Variants in PDE1C observed in about 807,000 individuals in gnomAD.
PDE1C encodes dual specificity calcium/calmodulin-dependent 3',5'-cyclic nucleotide phosphodiesterase 1C.
In PDE1C, 62 loss-of-function variants were observed where a neutral mutation model predicts 93.1. That is an observed-to-expected ratio of 0.67 (90% confidence interval 0.54 to 0.82). PDE1C has a LOEUF of 0.82. Ranked by LOEUF, PDE1C falls within the 40% of genes least tolerant of loss-of-function variation. The pLI, the probability that PDE1C is intolerant of heterozygous loss-of-function variation, is 0.00. For missense variants in PDE1C, 742 were observed against 884.6 expected, an observed-to-expected ratio of 0.84 and a Z score of 2.04; for synonymous variants, 325 against 310.1, an observed-to-expected ratio of 1.05 and a Z score of -0.50.
chr7:31,819,570 T>A (rs1788701299), intron 14 of PDE1C, among the ~76,000 whole-genome samples: 1 of 152,092 alleles, frequency 6.6e-6, no homozygotes, highest in Non-Finnish European at 1.5e-5. Context: ...CATGTCAGAC[T>A]GTCTGTGGTG....
chr7:31,867,804 GC>G (rs1245155318), intron 6 of PDE1C, among the ~76,000 whole-genome samples: 2 of 152,092 alleles, frequency 1.3e-5, no homozygotes, highest in Non-Finnish European at 1.5e-5. Flanking sequence ...GGACAGGCAT[GC>G]TTGGCCCACC....
intron 1 of PDE1C, among the ~76,000 whole-genome samples, chr7:32,395,287 G>A (rs1032389039): frequency 6.6e-6 from 1 of 152,198 alleles, no homozygotes; most frequent in Admixed American, 6.5e-5. Context: ...GGTACAGGGG[G>A]AAGTGTGCTT....
intron 7 of PDE1C, among the ~76,000 whole-genome samples, chr7:31,851,095 C>CAT (rs1562919676): frequency 1.8e-4 from 2 of 11,078 alleles, no homozygotes; most frequent in Non-Finnish European, 4.0e-4. Flanking sequence ...CACACACACA[C>CAT]ACACATAAAA....
the PDE1C span, among the ~76,000 whole-genome samples, chr7:31,690,129 T>C: frequency 6.6e-6 from 1 of 152,248 alleles, no homozygotes; most frequent in Non-Finnish European, 1.5e-5. Context: ...ATAGCTGCTT[T>C]GCTCAGAGGA....
chr7:31,681,033 T>C, the PDE1C span, among the ~76,000 whole-genome samples: 2 of 152,184 alleles, frequency 1.3e-5, no homozygotes, highest in African/African-American at 4.8e-5. Context: ...CGTGATTCAC[T>C]TACATTCCTG....
intron 1 of PDE1C, among the ~76,000 whole-genome samples, chr7:32,058,139 T>G (rs1313885058): frequency 6.6e-6 from 1 of 152,318 alleles, no homozygotes; most frequent in East Asian, 1.9e-4. Context: ...AACAACTGCA[T>G]ACACACAATG....
intron 2 of PDE1C, among the ~76,000 whole-genome samples, chr7:31,958,850 T>G (rs1301969386): frequency 1.3e-5 from 2 of 152,200 alleles, no homozygotes; most frequent in African/African-American, 4.8e-5. Flanking sequence ...GAAAGGATAC[T>G]CTGAAGTGTA....
chr7:31,697,148 G>T, the PDE1C span: 1 of 1,611,030 alleles, frequency 6.2e-7, no homozygotes, highest in Non-Finnish European at 8.5e-7. Flanking sequence ...CATTTGCAGG[G>T]GGTGATGGGG....
intron 2 of PDE1C, among the ~76,000 whole-genome samples, chr7:32,016,458 A>T (rs927367402): frequency 6.6e-6 from 1 of 152,198 alleles, no homozygotes; most frequent in Admixed American, 6.5e-5. Flanking sequence ...TGCATTAAAA[A>T]CTTTAAATGT....
chr7:32,108,230 CAAAAA>C (rs71559210), intron 3 of PDE1C, among the ~76,000 whole-genome samples: 1 of 77,062 alleles, frequency 1.3e-5, no homozygotes, highest in Non-Finnish European at 2.5e-5. Context: ...AAAAGCAAGA[CAAAAA>C]AAAAAAAAAA....
chr7:32,055,599 C>T (rs560197776), intron 1 of PDE1C, among the ~76,000 whole-genome samples: 2 of 152,256 alleles, frequency 1.3e-5, no homozygotes, highest in South Asian at 4.2e-4. Flanking sequence ...ATACTGCATT[C>T]TGTCCACCAA....
intron 1 of PDE1C, among the ~76,000 whole-genome samples, chr7:32,228,464 A>T (rs1361300267): frequency 6.6e-6 from 1 of 152,204 alleles, no homozygotes; most frequent in Non-Finnish European, 1.5e-5. Context: ...AGACAACTAA[A>T]GCTTAGAAAG....
At chr7:32,172,452 C>A (rs1484384522) in intron 2 of PDE1C, among the ~76,000 whole-genome samples, 3 of 152,086 alleles carry the variant, frequency 2.0e-5, no homozygotes, top group Non-Finnish European at 4.4e-5. Flanking sequence ...AGCTCTACAC[C>A]ACTGATCATT....
intron 3 of PDE1C, among the ~76,000 whole-genome samples, chr7:32,082,313 G>A (rs1796731136): frequency 6.6e-6 from 1 of 152,162 alleles, no homozygotes; most frequent in African/African-American, 2.4e-5. Context: ...CTGGGGGAGG[G>A]GCGCCCGCCA....
chr7:31,628,678 A>G, the PDE1C span, among the ~76,000 whole-genome samples: 1 of 151,914 alleles, frequency 6.6e-6, no homozygotes, highest in African/African-American at 2.4e-5. Flanking sequence ...GGATGGTCTC[A>G]ATCTCCTGAC....
At chr7:32,202,768 G>A (rs1179099460) in intron 2 of PDE1C, among the ~76,000 whole-genome samples, 1 of 152,006 alleles carries the variant, frequency 6.6e-6, no homozygotes, top group Non-Finnish European at 1.5e-5. Context: ...TAGATAAGAA[G>A]CTAGTAGCCA....
exon 3 of PDE1C, chr7:32,169,786 T>C: frequency 6.2e-7 from 1 of 1,612,202 alleles, no homozygotes; most frequent in Non-Finnish European, 8.5e-7. Context: ...CCACCAAACC[T>C]GAAGGATGTC....
At chr7:31,956,052 G>C (rs1262732031) in intron 2 of PDE1C, among the ~76,000 whole-genome samples, 2 of 152,032 alleles carry the variant, frequency 1.3e-5, no homozygotes, top group Non-Finnish European at 1.5e-5. Context: ...GTGAGGACCA[G>C]CAGAGCTTCT....
intron 2 of PDE1C, among the ~76,000 whole-genome samples, chr7:31,934,901 C>G (rs1804824465): frequency 6.6e-6 from 1 of 152,030 alleles, no homozygotes; most frequent in Non-Finnish European, 1.5e-5. Flanking sequence ...AATTCTCTTT[C>G]CAATATTACA....
Sources: allele counts gnomAD v4.1 joint callset (sites outside exome capture counted in the v4.1 genomes callset), GRCh38; gene constraint gnomAD v4.1.1; transcripts MANE v1.5; gene names NCBI Gene and HGNC (gene_info 2026-07-23, HGNC 2026-07-21).